The following CD22 variants were observed in gnomAD, a reference collection of about 807,000 sequenced individuals.
The protein encoded by CD22 is B-cell receptor CD22.
A neutral mutation model predicts 94.7 loss-of-function variants in CD22; 51 were observed. The observed-to-expected ratio is 0.54, with a 90% confidence interval of 0.43 to 0.68. The LOEUF (loss-of-function observed/expected upper bound fraction) is 0.68. Ranked by LOEUF, CD22 falls within the 30% of genes least tolerant of loss-of-function variation. The pLI is 0.00. For synonymous variants in CD22, 424 were observed against 422.5 expected (o/e 1.00, Z -0.04); for missense variants, 931 against 1,060.4 (o/e 0.88, Z 1.69).
intron 3 of CD22, among the ~76,000 whole-genome samples, chr19:35,335,660 C>T (rs1318451199): frequency 6.6e-6 from 1 of 152,062 alleles, no homozygotes; most frequent in Non-Finnish European, 1.5e-5. Flanking sequence ...CAAGACCAGC[C>T]TGGCCAACAT....
chr19:35,346,222 A>G lies in CD22; in HGVS notation c.2399A>G (p.His800Arg). 1.2e-6 allele frequency: 2 copies of G among 1,613,882 alleles called. No homozygotes were observed. Among genetic ancestry groups the G allele is most frequent in the Non-Finnish European group, 1.7e-6 (2 of 1,179,778 alleles). The change falls in exon 13 of 14, where the codon CAC becomes CGC. Residue 800 changes from histidine (H) to arginine (R), a missense_variant. By Grantham distance (29) the His-to-Arg change is conservative. Transcript: ENST00000085219. ...GACACGGTCACTTATTCAGCATTGC[A>G]CAAGCGCCAAGTGGTAAGGAGGGTC... ...CDDTVTYSAL[H>R]KRQVGDYENV... is the part of the protein sequence containing the mutation.
chr19:35,336,588 C>A (rs2066727996), intron 4 of CD22: 1 of 509,820 alleles, frequency 2.0e-6, no homozygotes, highest in African/African-American at 1.9e-5. Context: ...CTTTTTGTTC[C>A]CCTCTTGGTG....
chr19:35,338,210 CTG>C lies in CD22; in HGVS notation c.1031_1032del (p.Val344GlyfsTer68). ...ACGGTTCAGATCCTCCACTCACCGG[CTG>C]TGGAGGGAAGTCAAGTCGAGTTTCT... On this transcript the variant is annotated frameshift_variant, in exon 6 of 14. Coordinates refer to ENST00000085219, the MANE Select transcript of CD22 (RefSeq NM_001771.4). LOFTEE classifies it high-confidence loss of function. 6.2e-7 allele frequency: 1 copy of C among 1,614,078 alleles called. No homozygotes were observed. The highest frequency in any genetic ancestry group is 1.7e-5 in the Admixed American group (1 of 60,022).
rs1491352513 is a variant in CD22 at position 35,342,005 on chromosome 19, CAG to C, written c.2035+41_2035+42del. 3.3e-6 allele frequency: 5 copies of C among 1,528,240 alleles called. No individual in the cohort carries two copies. In the East Asian group the frequency reaches 9.3e-5, roughly 28 times the overall value. The allele number at this position is 1,528,240 out of a possible 1,614,324, so 94.7% of individuals were successfully genotyped here. On this transcript the variant is annotated intron_variant, in intron 9 of 13. Coordinates refer to ENST00000085219, the MANE Select transcript of CD22 (RefSeq NM_001771.4). ...TGCTCTTGTTCTTCTTGGTGGTGGT[CAG>C]TCCTTCCTTCCTTCCTTCCTTCCTT...
chr19:35,341,781 G>C lies in CD22; in HGVS notation c.1851G>C (p.Glu617Asp). 6.2e-7 allele frequency: 1 copy of C among 1,613,126 alleles called. No homozygotes were observed. Among genetic ancestry groups the C allele is most frequent in the Non-Finnish European group, 8.5e-7 (1 of 1,179,982 alleles). Residue 617 changes from glutamate to aspartate, a missense_variant, in exon 9 of 14, where the codon GAG becomes GAC. By Grantham distance (45) the Glu-to-Asp change is conservative (BLOSUM62 2). Transcript: ENST00000085219. This position sits in a 1 kb window ranked among gnomAD's most constrained non-coding sequence, Gnocchi z 4.0. The part of the protein sequence containing the change: ...MEGKSATLTC[E>D]SDANPPVSHY... ...GGAAGAGTGCAACCCTGACCTGTGA[G>C]AGCGACGCCAACCCTCCCGTCTCCC... is the stretch of plus-strand genomic sequence containing the variant.
intron 3 of CD22, among the ~76,000 whole-genome samples, chr19:35,333,674 C>A (rs780690438): frequency 6.6e-6 from 1 of 152,176 alleles, no homozygotes; most frequent in Non-Finnish European, 1.5e-5. Context: ...CCTCCCACCT[C>A]CAAAGTAGCT....
At chr19:35,333,053 T>A (rs1178879544) in intron 3 of CD22, 129 bp downstream of exon 3, 1 of 939,894 alleles carries the variant, frequency 1.1e-6, no homozygotes, top group East Asian at 2.5e-5. Context: ...CGCCAGCGGA[T>A]GACGATGGCG....
In CD22 at chr19:35,341,104, C is replaced by T; in HGVS notation, c.1473C>T (p.Cys491=). ...CCTGCGCAGCTTGTAATAGTTGGTG[C>T]TCGTGGGCCTCCCCTGTCGCCCTGA... is the stretch of plus-strand genomic sequence containing the variant. ...TIACAACNSW[C]SWASPVALNV... is the part of the protein sequence containing the mutation. Residue 491 remains cysteine, a synonymous_variant, in exon 7 of 14, where the codon TGC becomes TGT. Transcript: ENST00000085219. This position sits in a 1 kb window ranked among gnomAD's most constrained non-coding sequence, Gnocchi z 4.0. The T allele has an allele frequency of 6.2e-7, 1 of 1,614,162 alleles. No individual in the cohort carries two copies. Among genetic ancestry groups the T allele is most frequent in the Non-Finnish European group, 8.5e-7 (1 of 1,180,032 alleles).
At chr19:35,335,574 C>T (rs753201627) in intron 3 of CD22, among the ~76,000 whole-genome samples, 16 of 138,190 alleles carry the variant, frequency 1.2e-4, no homozygotes, top group Non-Finnish European at 2.2e-4. Flanking sequence ...AAAAAGAGGC[C>T]GGGTGTGGTG....
rs373177601 is a variant in CD22, at chr19:35,337,722, G to A, written c.719-33G>A. 39 of 1,542,882 alleles carry A rather than the reference G, an allele frequency of 2.5e-5. No homozygotes were observed. The highest frequency in any genetic ancestry group is 1.2e-4 in the African/African-American group (9 of 73,818). On this transcript the variant is annotated intron_variant, in intron 4 of 13. Transcript: ENST00000085219. This position sits in a 1 kb window ranked among gnomAD's most constrained non-coding sequence, Gnocchi z 4.4. ...ACCCTCCACCCTCTGAGGATTCCCC[G>A]CCCCCTCCCCGACTGCCCCTCTGCT... is the stretch of plus-strand genomic sequence containing the variant.
Position 35,336,219 on chromosome 19 carries a change from T to A in CD22, c.596T>A (p.Phe199Tyr). 1 of 1,614,222 alleles carries A rather than the reference T, an allele frequency of 6.2e-7. No individual in the cohort carries two copies. The highest frequency in any genetic ancestry group is 8.5e-7 in the Non-Finnish European group (1 of 1,180,040). Residue 199 changes from phenylalanine (F) to tyrosine (Y), a missense_variant, in exon 4 of 14, where the codon TTC becomes TAC. Coordinates refer to ENST00000085219, the MANE Select transcript of CD22 (RefSeq NM_001771.4). ...ACCTCCTTGACCATCAAGTCTGTCT[T>A]CACCCGGAGCGAGCTCAAGTTCTCC... ...TSTSLTIKSV[F>Y]TRSELKFSPQ... is the part of the protein sequence containing the mutation.
intron 3 of CD22, among the ~76,000 whole-genome samples, chr19:35,334,687 T>TG (rs1254816476): frequency 2.0e-5 from 3 of 152,076 alleles, no homozygotes; most frequent in African/African-American, 7.2e-5. Flanking sequence ...AGGAATGCGG[T>TG]GCGTGGATGG....
intron 1 of CD22, 62 bp downstream of exon 1, chr19:35,329,292 T>C (rs2145640056): frequency 3.6e-6 from 4 of 1,097,706 alleles, no homozygotes; most frequent in Non-Finnish European, 3.7e-6. Context: ...ACAGCAGTTA[T>C]GGGCCAGGCA....
At chr19:35,329,294 G>A (rs2066614189) in intron 1 of CD22, 64 bp downstream of exon 1, 2 of 1,067,786 alleles carry the variant, frequency 1.9e-6, no homozygotes, top group Non-Finnish European at 2.5e-6. Context: ...AGCAGTTATG[G>A]GCCAGGCATA....
At position 35,338,179 on chromosome 19, in the gene CD22, C is replaced by T. The variant is rs760070662; in HGVS notation, c.997C>T (p.Pro333Ser). Residue 333 changes from proline to serine, a missense_variant, in exon 6 of 14, where the codon CCT becomes TCT. Pro to Ser is a moderately conservative substitution (Grantham distance 74, BLOSUM62 -1). Coordinates refer to ENST00000085219, the MANE Select transcript of CD22 (RefSeq NM_001771.4). ...VFLQVQYAPE[P>S]STVQILHSPA... ...GCCCCCTCTTCCAGATGCCCCGGAACCTTCCACGGTTCAGATCCTCCACTC... is the reference window on the plus strand; with the variant it reads ...GCCCCCTCTTCCAGATGCCCCGGAATCTTCCACGGTTCAGATCCTCCACTC... The T allele has an allele frequency of 2.0e-5, 32 of 1,611,694 alleles. No individual in the cohort carries two copies. The South Asian group carries it at 3.5e-4, about 18-fold the overall frequency.
At chr19:35,334,071 G>A (rs1181266598) in intron 3 of CD22, among the ~76,000 whole-genome samples, 1 of 152,178 alleles carries the variant, frequency 6.6e-6, no homozygotes, top group Non-Finnish European at 1.5e-5. Flanking sequence ...GCCAAAGCAA[G>A]GGGACAGAAG....
chr19:35,341,816 G>A lies in CD22; in HGVS notation c.1886G>A (p.Trp629Ter). 1 of 1,613,998 alleles carries A rather than the reference G, an allele frequency of 6.2e-7. No individual in the cohort carries two copies. The highest frequency in any genetic ancestry group is 2.2e-5 in the East Asian group (1 of 44,884). ...AACCCTCCCGTCTCCCACTACACCT[G>A]GTTTGACTGGAATAACCAAAGCCTC... The part of the protein sequence containing the change: ...DANPPVSHYT[W>*]FDWNNQSLPY... The change falls in exon 9 of 14, where the codon TGG becomes TAG. Residue 629 changes from tryptophan (W) to a stop codon, truncating the protein, a stop_gained. Coordinates refer to ENST00000085219, the MANE Select transcript of CD22 (RefSeq NM_001771.4). LOFTEE classifies it high-confidence loss of function. This position sits in a 1 kb window ranked among gnomAD's most constrained non-coding sequence, Gnocchi z 4.0.
chr19:35,338,368 T>A lies in CD22; in HGVS notation c.1186T>A (p.Cys396Ser). The A allele has an allele frequency of 6.2e-7, 1 of 1,614,178 alleles. No homozygotes were observed. The highest frequency in any genetic ancestry group is 2.2e-5 in the East Asian group (1 of 44,864). Residue 396 changes from cysteine (C) to serine (S), a missense_variant, in exon 6 of 14, where the codon TGT becomes AGT. Coordinates refer to ENST00000085219, the MANE Select transcript of CD22 (RefSeq NM_001771.4). ...ILPWHAGTYS[C>S]VAENILGTGQ... The stretch of plus-strand genomic sequence containing the variant: ...CCCCTGGCACGCTGGGACTTATTCC[T>A]GTGTGGCAGAAAACATTCTTGGTAC...
chr19:35,341,177 C>A lies in CD22; in HGVS notation c.1507+39C>A. 1 of 1,611,886 alleles carries A rather than the reference C, an allele frequency of 6.2e-7. No homozygotes were observed. The highest frequency in any genetic ancestry group is 8.5e-7 in the Non-Finnish European group (1 of 1,178,262). On this transcript the variant is annotated intron_variant, in intron 7 of 13. Transcript: ENST00000085219. The surrounding 1 kb of genome is among the most constrained non-coding windows in gnomAD (Gnocchi z 4.0). ...CTAGGCAGGGGGATCTGGGAGGTGG[C>A]CCGGCTGGGATGAGGGGATGAAGGC...
Sources: allele counts gnomAD v4.1 joint callset (sites outside exome capture counted in the v4.1 genomes callset), GRCh38; gene constraint gnomAD v4.1.1; non-coding constraint Gnocchi (gnomAD v3.1); transcripts MANE v1.5; gene names NCBI Gene and HGNC (gene_info 2026-07-23, HGNC 2026-07-21).